NPHP1: variants seen among roughly 807,000 people sequenced by gnomAD.
NPHP1 encodes the protein nephrocystin-1.
NPHP1 carries 70 observed loss-of-function variants against 90.4 expected under a neutral mutation model. The ratio of observed to expected loss-of-function variants is 0.77; its 90% CI spans 0.64 to 0.95. The LOEUF (loss-of-function observed/expected upper bound fraction) is 0.95, where lower values mean the gene tolerates loss of function less well. Ranked by LOEUF, NPHP1 falls within the 40% of genes least tolerant of loss-of-function variation. The pLI, the probability that NPHP1 is intolerant of heterozygous loss-of-function variation, is 0.00. For missense variants in NPHP1, 764 were observed against 795.9 expected (o/e 0.96, Z 0.48); for synonymous variants, 256 against 271.7 (o/e 0.94, Z 0.57).
chr2:110,139,806 G>A (rs913129986), intron 16 of NPHP1, among the ~76,000 whole-genome samples: 4 of 152,148 alleles, frequency 2.6e-5, no homozygotes, highest in African/African-American at 2.4e-5. Flanking sequence ...GGATAGAGGC[G>A]GGGCGTGCCT....
Position 110,178,490 on chromosome 2 carries a change from G to C in NPHP1, c.262C>G (p.Leu88Val). The stretch of plus-strand genomic sequence containing the variant: ...AGTTGTTGGGTAAGCTTGTCCAAAA[G>C]AGTATGCTCCTCTTCTTTTCTCTGA... ...YNQRKEEEHT[L>V]LDKLTQQLQG... Residue 88 changes from leucine (L) to valine (V), a missense_variant, in exon 4 of 20, where the codon CTT (leucine) becomes GTT (valine). Coordinates refer to ENST00000445609, the MANE Select transcript of NPHP1 (RefSeq NM_001128178.3). The C allele has an allele frequency of 1.2e-6, 2 of 1,613,814 alleles. No individual in the cohort carries two copies.
intron 16 of NPHP1, among the ~76,000 whole-genome samples, chr2:110,138,718 GC>G (rs1559052353): frequency 6.6e-6 from 1 of 152,030 alleles, no homozygotes; most frequent in African/African-American, 2.4e-5. Context: ...CAGTGTTTCA[GC>G]TGCATGCCCA....
intron 14 of NPHP1, 107 bp downstream of exon 14, chr2:110,146,646 C>T (rs985099024): frequency 4.9e-6 from 4 of 814,874 alleles, no homozygotes; most frequent in Non-Finnish European, 8.7e-6. Context: ...AAAGTCCTCT[C>T]CCCAAAAGTT....
At chr2:110,200,858 T>G (rs1685532491) in intron 2 of NPHP1, among the ~76,000 whole-genome samples, 1 of 152,144 alleles carries the variant, frequency 6.6e-6, no homozygotes, top group Non-Finnish European at 1.5e-5. Flanking sequence ...CAATTACAAT[T>G]CACTTAAATT....
At position 110,204,932 on chromosome 2, in the gene NPHP1, G is replaced by A; in HGVS notation, c.37C>T (p.Leu13=). The part of the protein sequence containing the change: ...ARRQRDPLQA[L]RRRNQELKQQ... ...TTCAGCTCCTGATTGCGGCGCCGCA[G>A]GGCCTGGAGAGGATCTCGCTGTCGT... The change falls in exon 1 of 20, where the codon CTG becomes TTG. Residue 13 remains leucine, a synonymous_variant. Coordinates refer to ENST00000445609, the MANE Select transcript of NPHP1 (RefSeq NM_001128178.3). 1.2e-6 allele frequency: 2 copies of A among 1,614,042 alleles called. No individual in the cohort carries two copies. Among genetic ancestry groups the A allele is most frequent in the African/African-American group, 1.3e-5 (1 of 75,062 alleles).
rs577893358 is a variant in NPHP1, at chr2:110,155,203, C to A, written c.1083+4924G>T. ...CAGCTTCCATGTGGTATTGAGCCTG[C>A]AGGTGCCCAGAAGTCAAGAATTGAG... On this transcript the variant is annotated intron_variant, in intron 11 of 19. Coordinates refer to ENST00000445609, the MANE Select transcript of NPHP1 (RefSeq NM_001128178.3). Among the ~76,000 whole-genome samples the A allele has an allele frequency of 3.9e-5, 6 of 152,290 alleles. No individual in the cohort carries two copies. In the East Asian group the frequency reaches 9.6e-4, roughly 24 times the overall value.
chr2:110,172,587 C>T (rs1048946219), intron 4 of NPHP1, among the ~76,000 whole-genome samples: 1 of 152,016 alleles, frequency 6.6e-6, no homozygotes, highest in African/African-American at 2.4e-5. Flanking sequence ...TCAAGACCAG[C>T]CTGAGCAATA....
chr2:110,178,669 C>G, intron 3 of NPHP1, 122 bp from the exon 4 acceptor site: 1 of 782,132 alleles, frequency 1.3e-6, no homozygotes, highest in Non-Finnish European at 2.0e-6. Flanking sequence ...GACATTACAC[C>G]TATCTTAGGG....
At chr2:110,141,133 T>G (rs1049678648) in intron 16 of NPHP1, among the ~76,000 whole-genome samples, 4 of 152,154 alleles carry the variant, frequency 2.6e-5, no homozygotes, top group African/African-American at 7.2e-5. Flanking sequence ...CTCTGCATCT[T>G]CCCAATCCTT....
chr2:110,165,452 G>C (rs181890768), intron 6 of NPHP1, among the ~76,000 whole-genome samples: 3 of 151,902 alleles, frequency 2.0e-5, no homozygotes, highest in Non-Finnish European at 4.4e-5. Flanking sequence ...ATAAATTCCA[G>C]ATGGAATTTA....
intron 7 of NPHP1, 130 bp from the exon 8 acceptor site, chr2:110,164,860 G>A (rs1682606916): frequency 3.1e-6 from 3 of 955,574 alleles, no homozygotes; most frequent in Admixed American, 1.9e-5. Flanking sequence ...ATGAAAACGA[G>A]GTAGAGCTAA....
At chr2:110,157,151 G>A (rs1681963263) in intron 11 of NPHP1, among the ~76,000 whole-genome samples, 1 of 152,104 alleles carries the variant, frequency 6.6e-6, no homozygotes. Context: ...TATCTGTGCA[G>A]CTATTAAATA....
At chr2:110,196,811 ATAC>A (rs1559107556) in intron 2 of NPHP1, among the ~76,000 whole-genome samples, 1 of 152,184 alleles carries the variant, frequency 6.6e-6, no homozygotes, top group East Asian at 1.9e-4. Context: ...ACACCATGGA[ATAC>A]TATGCAGCCA....
intron 2 of NPHP1, among the ~76,000 whole-genome samples, chr2:110,194,312 T>A (rs1684982726): frequency 6.6e-6 from 1 of 152,044 alleles, no homozygotes; most frequent in Admixed American, 6.6e-5. Context: ...CAATAAAAAA[T>A]GATAAAGGGG....
At chr2:110,158,617 A>T (rs11885213) in intron 11 of NPHP1, among the ~76,000 whole-genome samples, 6,516 of 151,818 alleles carry the variant, frequency 0.043, 460 homozygotes, top group African/African-American at 0.15. Context: ...TTTTTCTCTT[A>T]AGCTACCTAT....
chr2:110,199,391 G>A (rs1685410493), intron 2 of NPHP1, among the ~76,000 whole-genome samples: 1 of 151,100 alleles, frequency 6.6e-6, no homozygotes, highest in African/African-American at 2.4e-5. Flanking sequence ...CCAAGATCAT[G>A]ACAGAGTGAG....
chr2:110,183,540 C>CTGAAATAAAGT (rs1684061672), intron 2 of NPHP1, among the ~76,000 whole-genome samples: 1 of 152,018 alleles, frequency 6.6e-6, no homozygotes, highest in African/African-American at 2.4e-5. Context: ...AGCTGTGAGA[C>CTGAAATAAAGT]CCCTGATTTC....
At chr2:110,192,063 A>C (rs1376676519) in intron 2 of NPHP1, among the ~76,000 whole-genome samples, 1 of 152,160 alleles carries the variant, frequency 6.6e-6, no homozygotes, top group Non-Finnish European at 1.5e-5. Context: ...GGGAAAAAAC[A>C]GAGCAGAAAA....
intron 2 of NPHP1, chr2:110,184,673 C>A: frequency 1.3e-6 from 1 of 753,496 alleles, no homozygotes; most frequent in Non-Finnish European, 2.4e-6. Context: ...ATGATTTCCA[C>A]TCATCGTTTG....
Sources: allele counts gnomAD v4.1 joint callset (sites outside exome capture counted in the v4.1 genomes callset), GRCh38; gene constraint gnomAD v4.1.1; transcripts MANE v1.5; gene names NCBI Gene and HGNC (gene_info 2026-07-23, HGNC 2026-07-21).